DDX4: variants seen among roughly 807,000 people sequenced by gnomAD.
DDX4 encodes the protein probable ATP-dependent RNA helicase DDX4.
A neutral mutation model predicts 100.0 loss-of-function variants in DDX4; 25 were observed. The observed-to-expected ratio is 0.25, with a 90% CI of 0.18 to 0.35. The LOEUF is 0.35. DDX4 is among the 10% of genes least tolerant of loss of function. DDX4 has a pLI of 1.00. For synonymous variants in DDX4, 259 were observed against 275.7 expected, an observed-to-expected ratio of 0.94 and a Z score of 0.60; for missense variants, 635 against 882.4, an observed-to-expected ratio of 0.72 and a Z score of 3.55.
At chr5:55,782,583 C>T (rs530113403) in intron 10 of DDX4, among the ~76,000 whole-genome samples, 3 of 151,092 alleles carry the variant, frequency 2.0e-5, no homozygotes, top group South Asian at 2.1e-4. Context: ...GGTGACAGAG[C>T]GAGACTGTCA....
intron 15 of DDX4, among the ~76,000 whole-genome samples, chr5:55,789,520 A>G (rs1315926863): frequency 6.6e-6 from 1 of 152,242 alleles, no homozygotes. Flanking sequence ...AAGAACAAAG[A>G]GGAGGCTGTA....
intron 7 of DDX4, among the ~76,000 whole-genome samples, chr5:55,779,210 A>G (rs540360563): frequency 6.6e-6 from 1 of 152,342 alleles, no homozygotes; most frequent in East Asian, 1.9e-4. Context: ...ATGAAAATAT[A>G]CCTTTACAGA....
intron 6 of DDX4, among the ~76,000 whole-genome samples, chr5:55,764,419 T>C (rs1024117293): frequency 1.3e-5 from 2 of 152,112 alleles, no homozygotes; most frequent in African/African-American, 4.8e-5. Context: ...TTCAAATAAA[T>C]CTAAGAAAAA....
intron 4 of DDX4, among the ~76,000 whole-genome samples, chr5:55,762,229 A>C (rs1188697960): frequency 1.3e-5 from 2 of 152,142 alleles, no homozygotes; most frequent in African/African-American, 4.8e-5. Context: ...TCTCAGTGAT[A>C]GTTTAAAGCA....
intron 5 of DDX4, among the ~76,000 whole-genome samples, chr5:55,763,732 C>T (rs13179139): frequency 0.11 from 16,984 of 152,106 alleles, 1,443 homozygotes; most frequent in East Asian, 0.29. Context: ...GTTACACTGA[C>T]ATATTCCTCT....
At chr5:55,758,119 T>A (rs1014539516) in intron 3 of DDX4, among the ~76,000 whole-genome samples, 1 of 152,192 alleles carries the variant, frequency 6.6e-6, no homozygotes, top group Non-Finnish European at 1.5e-5. Context: ...CAAACTCTCA[T>A]CATTCCTTAG....
chr5:55,815,403 G>A lies in DDX4; in HGVS notation c.2077G>A (p.Ala693Thr). ...TGGTAGTACAAGAGGAAACGTGTTTGCATCAGTTGATACCAGAAAGGTTAG... is the reference window on the plus strand; with the variant it reads ...TGGTAGTACAAGAGGAAACGTGTTTACATCAGTTGATACCAGAAAGGTTAG... ...FSGSTRGNVF[A>T]SVDTRKGKST... Residue 693 changes from alanine to threonine, a missense_variant, in exon 21 of 22, where the codon GCA becomes ACA. Ala to Thr is a moderately conservative substitution (Grantham distance 58). This residue lies in a region of DDX4 where 73 missense variants were observed against 98.5 expected (regional missense o/e 0.74). Coordinates refer to ENST00000505374, the MANE Select transcript of DDX4 (RefSeq NM_024415.3). 1 of 1,612,328 alleles carries A rather than the reference G, an allele frequency of 6.2e-7. No individual in the cohort carries two copies. Among genetic ancestry groups the A allele is most frequent in the Non-Finnish European group, 8.5e-7 (1 of 1,179,616 alleles).
At chr5:55,787,174 A>G (rs1742297236) in intron 14 of DDX4, among the ~76,000 whole-genome samples, 1 of 152,200 alleles carries the variant, frequency 6.6e-6, no homozygotes, top group Non-Finnish European at 1.5e-5. Flanking sequence ...ACTCCATAAG[A>G]TGAGACTCTT....
At chr5:55,790,540 T>C in intron 15 of DDX4, 36 bp from the exon 16 acceptor site, 1 of 1,416,114 alleles carries the variant, frequency 7.1e-7, no homozygotes, top group Non-Finnish European at 9.8e-7. Context: ...AATTTTTAAG[T>C]AACTAGAAAA....
At chr5:55,738,805 A>C in intron 1 of DDX4, 145 bp from the exon 2 acceptor site, 1 of 648,498 alleles carries the variant, frequency 1.5e-6, no homozygotes, top group South Asian at 1.8e-5. Context: ...AAGAGACCTA[A>C]TTCCTTCTTT....
chr5:55,815,018 T>A lies in DDX4; in HGVS notation c.1833T>A (p.His611Gln). The A allele has an allele frequency of 6.2e-7, 1 of 1,614,208 alleles. No homozygotes were observed. Among genetic ancestry groups the A allele is most frequent in the Non-Finnish European group, 8.5e-7 (1 of 1,180,002 alleles). Residue 611 changes from histidine to glutamine, a missense_variant, in exon 20 of 22, where the codon CAT becomes CAA. Around this residue, in one of 4 missense-constraint regions of DDX4, gnomAD observed 115 missense variants for 224.7 expected, o/e 0.51. Transcript: ENST00000505374. The part of the protein sequence containing the change: ...ARGLDIENVQ[H>Q]VINFDLPSTI... Reference sequence around the variant, plus strand: ...GGCTGGATATTGAAAATGTGCAACATGTTATCAATTTTGATCTTCCTTCTA... The same window carrying A: ...GGCTGGATATTGAAAATGTGCAACAAGTTATCAATTTTGATCTTCCTTCTA...
chr5:55,812,951 G>A (rs957555085), intron 18 of DDX4, among the ~76,000 whole-genome samples: 11 of 151,740 alleles, frequency 7.2e-5, no homozygotes, highest in Non-Finnish European at 1.5e-5. Flanking sequence ...ACAGAGAAAT[G>A]GGGAGAGAGA....
chr5:55,782,614 CAAA>C (rs922405669), intron 10 of DDX4, among the ~76,000 whole-genome samples: 1 of 147,160 alleles, frequency 6.8e-6, no homozygotes, highest in Non-Finnish European at 1.5e-5. Flanking sequence ...GTTTGTTAAA[CAAA>C]AAAAAACTGT....
At chr5:55,742,165 G>T (rs1439752093) in intron 2 of DDX4, 1 of 456,268 alleles carries the variant, frequency 2.2e-6, no homozygotes. Context: ...TTATAATGTG[G>T]CAATTATATA....
intron 2 of DDX4, among the ~76,000 whole-genome samples, chr5:55,745,407 ATATTT>A (rs1759198467): frequency 6.6e-6 from 1 of 151,900 alleles, no homozygotes; most frequent in South Asian, 2.1e-4. Flanking sequence ...TTTTATAATG[ATATTT>A]TATTATATTT....
At chr5:55,789,064 T>C (rs929690996) in intron 15 of DDX4, among the ~76,000 whole-genome samples, 9 of 151,950 alleles carry the variant, frequency 5.9e-5, no homozygotes, top group Non-Finnish European at 1.2e-4. Flanking sequence ...GACTTATATA[T>C]AAAAAAAACC....
rs778211924 is a variant in DDX4 at position 55,785,284 on chromosome 5, ATTTC to A, written c.626-9_626-6del. 6.4e-7 allele frequency: 1 copy of A among 1,569,650 alleles called. No homozygotes were observed. The highest frequency in any genetic ancestry group is 8.8e-7 in the Non-Finnish European group (1 of 1,141,538). ...CATCTTGACCGATTGTCACTTATGA[ATTTC>A]TTTAATAGGTGGTTACAAAGGTTTA... On this transcript the variant is annotated splice_polypyrimidine_tract_variant and intron_variant, in intron 10 of 21. Coordinates refer to ENST00000505374, the MANE Select transcript of DDX4 (RefSeq NM_024415.3).
chr5:55,780,974 C>T, intron 8 of DDX4, 92 bp from the exon 9 acceptor site: 1 of 1,115,982 alleles, frequency 9.0e-7, no homozygotes. Flanking sequence ...CTTTTAACTT[C>T]TGATACCATA....
chr5:55,794,110 A>G (rs1013090953), intron 17 of DDX4, among the ~76,000 whole-genome samples: 4 of 152,058 alleles, frequency 2.6e-5, no homozygotes, highest in African/African-American at 4.8e-5. Context: ...CATTAGGTCA[A>G]TTGGCAGGAT....
Sources: gnomAD v4.1 joint callset for allele counts (sites outside exome capture counted in the v4.1 genomes callset) on GRCh38, gnomAD v4.1.1 for gene constraint, gnomAD v4.1.1 regional missense constraint, MANE v1.5 for transcripts, NCBI Gene and HGNC (gene_info 2026-07-23, HGNC 2026-07-21) for gene names.